STS: variants seen among roughly 807,000 people sequenced by gnomAD.
The protein encoded by STS is steroid sulfatase.
Under a neutral mutation model 26.8 loss-of-function variants are expected in STS, and 7 were observed. The observed-to-expected ratio is 0.26, with a 90% CI of 0.15 to 0.49. The LOEUF (loss-of-function observed/expected upper bound fraction) is 0.49, where lower values mean the gene tolerates loss of function less well. Among genes scored for constraint, STS ranks in the 20% least tolerant of loss-of-function variants. STS has a pLI of 0.98. For missense variants in STS, 434 were observed against 465.6 expected, an observed-to-expected ratio of 0.93 and a Z score of 0.63; for synonymous variants, 199 against 189.4, an observed-to-expected ratio of 1.05 and a Z score of -0.42.
At chrX:7,156,104 A>G (rs775676948) in intron 1 of STS, among the ~76,000 whole-genome samples, 1 of 109,795 alleles carries the variant, frequency 9.1e-6, no homozygotes, top group South Asian at 4.0e-4. Flanking sequence ...GTGAGCTCTG[A>G]TCATGCCACT....
intron 8 of STS, among the ~76,000 whole-genome samples, chrX:7,323,405 C>G (rs1215754534): frequency 3.6e-5 from 4 of 110,670 alleles, no homozygotes; most frequent in Non-Finnish European, 7.6e-5. Flanking sequence ...TTCCCAGTGT[C>G]TACTGTTGCC....
At chrX:7,233,538 CCACCTGCGCAGGT>C in intron 2 of STS, among the ~76,000 whole-genome samples, 1 of 111,512 alleles carries the variant, frequency 9.0e-6, no homozygotes, top group Middle Eastern at 4.6e-3. Flanking sequence ...GTTTACATTT[CCACCTGCGCAGGT>C]CACCTGCTGG....
intron 9 of STS, among the ~76,000 whole-genome samples, chrX:7,328,555 A>ATTTTT (rs144329312): frequency 1.1e-5 from 1 of 87,243 alleles, no homozygotes; most frequent in Non-Finnish European, 2.2e-5. Context: ...TGCTGACCTC[A>ATTTTT]TTTTTTTTTT....
At chrX:7,161,987 G>GA (rs769602058) in intron 1 of STS, among the ~76,000 whole-genome samples, 1 of 111,411 alleles carries the variant, frequency 9.0e-6, no homozygotes, top group African/African-American at 3.3e-5. Flanking sequence ...TTCAGTGCAT[G>GA]AAAAAAAGAT....
intron 9 of STS, 111 bp from the exon 10 acceptor site, chrX:7,333,875 C>A: frequency 3.6e-6 from 4 of 1,107,130 alleles, no homozygotes; most frequent in Non-Finnish European, 4.9e-6. Flanking sequence ...TGGGGTCAGT[C>A]TTCTTTGTAT....
At chrX:7,264,772 T>A (rs916496236) in intron 6 of STS, among the ~76,000 whole-genome samples, 10 of 111,879 alleles carry the variant, frequency 8.9e-5, no homozygotes, top group Non-Finnish European at 1.9e-4. Context: ...AAACACTGGG[T>A]TTCATATACA....
At chrX:7,229,849 A>G (rs1311862053) in intron 2 of STS, among the ~76,000 whole-genome samples, 3 of 105,405 alleles carry the variant, frequency 2.8e-5, no homozygotes, top group African/African-American at 1.0e-4. Flanking sequence ...ATTCTAGTTC[A>G]TTTATGTTTT....
intron 9 of STS, 56 bp downstream of exon 9, chrX:7,325,554 T>C: frequency 8.5e-7 from 1 of 1,177,827 alleles, no homozygotes; most frequent in Non-Finnish European, 1.2e-6. Flanking sequence ...CAGCCCAGTA[T>C]GCTCTGGTTT....
At chrX:7,274,988 A>G (rs1175167985) in intron 6 of STS, among the ~76,000 whole-genome samples, 1 of 111,979 alleles carries the variant, frequency 8.9e-6, no homozygotes, top group Non-Finnish European at 1.9e-5. Context: ...CATTTTTGAC[A>G]ACATGGATGA....
At chrX:7,265,057 G>A (rs1452860859) in intron 6 of STS, among the ~76,000 whole-genome samples, 4 of 104,854 alleles carry the variant, frequency 3.8e-5, no homozygotes, top group African/African-American at 1.4e-4. Flanking sequence ...TCTGGTTTTG[G>A]AACTAATTAA....
chrX:7,228,253 G>A (rs190680090), intron 2 of STS, among the ~76,000 whole-genome samples: 2 of 111,771 alleles, frequency 1.8e-5, no homozygotes, highest in East Asian at 5.6e-4. Context: ...GAGTGGGGTT[G>A]CTAGATCACA....
chrX:7,329,266 G>T (rs1407316502), intron 9 of STS, among the ~76,000 whole-genome samples: 1 of 112,050 alleles, frequency 8.9e-6, no homozygotes, highest in Non-Finnish European at 1.9e-5. Context: ...ACTTATCAAT[G>T]CCTGGAGACA....
rs774009171 is a variant in STS, at chrX:7,190,963, T to A, written c.-50T>A. The A allele has an allele frequency of 3.2e-4, 241 of 750,647 alleles. No individual in the cohort carries two copies. The highest frequency in any genetic ancestry group is 3.7e-4 in the Non-Finnish European group (236 of 637,875). The allele number at this position is 750,647 out of a possible 1,213,427, so 61.9% of individuals were successfully genotyped here. A position where few individuals can be genotyped will look rare whatever the true frequency, so the allele number is the denominator to read the frequency against. On this transcript the variant is annotated 5_prime_UTR_variant, in exon 2 of 11. Coordinates refer to ENST00000674429, the MANE Select transcript of STS (RefSeq NM_001320752.2). ...ACACAGTCATCTCAGTAAGTTAAGA[T>A]CTTCCTGAGGACAATGGCGCAAGAT...
In STS at chrX:7,253,193, C is replaced by T. The variant is rs1287772167; in HGVS notation, c.-4-3C>T. Reference sequence around the variant, plus strand: ...TTCCTTTTTGTGTCCTTGTCCTTTACAGGAAGATGAAGATCCCTTTCCTCC... The same window carrying T: ...TTCCTTTTTGTGTCCTTGTCCTTTATAGGAAGATGAAGATCCCTTTCCTCC... On this transcript the variant is annotated splice_polypyrimidine_tract_variant and splice_region_variant and intron_variant, in intron 2 of 10. Transcript: ENST00000674429. The T allele has an allele frequency of 2.5e-5, 30 of 1,210,897 alleles. No individual in the cohort carries two copies. The highest frequency in any genetic ancestry group is 3.0e-5 in the Non-Finnish European group (27 of 894,978).
At chrX:7,289,531 C>A (rs1925307371) in intron 7 of STS, among the ~76,000 whole-genome samples, 1 of 111,593 alleles carries the variant, frequency 9.0e-6, no homozygotes, top group Non-Finnish European at 1.9e-5. Flanking sequence ...GAGGAGGGAG[C>A]AGCTGGCTGG....
At chrX:7,252,301 T>G in intron 2 of STS, 1 of 752,737 alleles carries the variant, frequency 1.3e-6, no homozygotes, top group Non-Finnish European at 1.6e-6. Context: ...AGGTGTTGCC[T>G]ACCACTGCTG....
chrX:7,293,130 C>T (rs999285008), intron 7 of STS, among the ~76,000 whole-genome samples: 1 of 112,002 alleles, frequency 8.9e-6, no homozygotes, highest in Non-Finnish European at 1.9e-5. Flanking sequence ...ATGCAACAAG[C>T]CTCATTGGCT....
At chrX:7,219,700 C>T in intron 2 of STS, 1 of 1,211,472 alleles carries the variant, frequency 8.3e-7, no homozygotes. Context: ...AGCGTCTATT[C>T]CCCTGGCCAG....
At chrX:7,158,979 G>A (rs1239110572) in intron 1 of STS, among the ~76,000 whole-genome samples, 5 of 111,533 alleles carry the variant, frequency 4.5e-5, no homozygotes, top group African/African-American at 1.6e-4. Flanking sequence ...CAAATCCTTA[G>A]TTATTATTAA....
Sources: allele counts gnomAD v4.1 joint callset (sites outside exome capture counted in the v4.1 genomes callset), GRCh38; gene constraint gnomAD v4.1.1; transcripts MANE v1.5; gene names NCBI Gene and HGNC (gene_info 2026-07-23, HGNC 2026-07-21).